SUGCT: variants seen among roughly 807,000 people sequenced by gnomAD.
SUGCT encodes succinyl-CoA:glutarate CoA-transferase.
In SUGCT, 41 loss-of-function variants were observed where a neutral mutation model predicts 55.0. That is an observed-to-expected ratio of 0.74 (90% confidence interval 0.58 to 0.97). The LOEUF (loss-of-function observed/expected upper bound fraction) is 0.97. Ranked by LOEUF, SUGCT falls within the 50% of genes least tolerant of loss-of-function variation. SUGCT has a pLI of 0.00. For synonymous variants in SUGCT, 187 were observed against 200.4 expected, an observed-to-expected ratio of 0.93 and a Z score of 0.56; for missense variants, 568 against 547.8, an observed-to-expected ratio of 1.04 and a Z score of -0.37.
chr7:40,867,411 C>T, the SUGCT span, among the ~76,000 whole-genome samples: 1 of 151,594 alleles, frequency 6.6e-6, no homozygotes, highest in Non-Finnish European at 1.5e-5. Context: ...TAAATGATAG[C>T]TTACCAAAAA....
At chr7:40,320,209 C>A (rs1161134908) in intron 9 of SUGCT, among the ~76,000 whole-genome samples, 1 of 151,950 alleles carries the variant, frequency 6.6e-6, no homozygotes, top group Non-Finnish European at 1.5e-5. Flanking sequence ...CAGGTTCAAG[C>A]TATGCTCCTG....
intron 8 of SUGCT, among the ~76,000 whole-genome samples, chr7:40,291,185 G>T (rs1427259477): frequency 6.6e-6 from 1 of 152,076 alleles, no homozygotes; most frequent in African/African-American, 2.4e-5. Flanking sequence ...AAATCATGCT[G>T]CTATAAAGAC....
chr7:40,511,053 T>C (rs1727211805), intron 12 of SUGCT, among the ~76,000 whole-genome samples: 2 of 152,166 alleles, frequency 1.3e-5, no homozygotes, highest in South Asian at 2.1e-4. Flanking sequence ...TTAGATAGAG[T>C]GCTGTTGCTG....
intron 12 of SUGCT, among the ~76,000 whole-genome samples, chr7:40,593,210 T>C (rs983924650): frequency 1.3e-5 from 2 of 152,194 alleles, no homozygotes; most frequent in African/African-American, 4.8e-5. Context: ...CACCCAGCTC[T>C]GTCCTTGGCC....
intron 7 of SUGCT, among the ~76,000 whole-genome samples, chr7:40,262,456 C>CTGGCTAACATGGTGAAACCCCCGTCTCTA (rs1791281540): frequency 6.8e-6 from 1 of 146,916 alleles, no homozygotes; most frequent in Non-Finnish European, 1.5e-5. Flanking sequence ...CGAGACCATC[C>CTGGCTAACATGGTGAAACCCCCGTCTCTA]TGGCTAACAT....
At chr7:40,934,839 A>G in the SUGCT span, among the ~76,000 whole-genome samples, 3 of 152,182 alleles carry the variant, frequency 2.0e-5, no homozygotes, top group Non-Finnish European at 4.4e-5. Context: ...TTCCAGGTAC[A>G]GTCTGTCACA....
chr7:40,790,632 T>C (rs1219041358), intron 13 of SUGCT, among the ~76,000 whole-genome samples: 1 of 152,238 alleles, frequency 6.6e-6, no homozygotes, highest in African/African-American at 2.4e-5. Flanking sequence ...ATAACATTAA[T>C]TTAAATGCAA....
At chr7:40,837,075 A>G (rs1008183443) in intron 13 of SUGCT, among the ~76,000 whole-genome samples, 7 of 152,148 alleles carry the variant, frequency 4.6e-5, no homozygotes, top group Admixed American at 2.0e-4. Context: ...GAGTGATCCA[A>G]TTTCTCTGCA....
At chr7:40,834,948 TG>T (rs1299801599) in intron 13 of SUGCT, among the ~76,000 whole-genome samples, 1 of 152,120 alleles carries the variant, frequency 6.6e-6, no homozygotes, top group Non-Finnish European at 1.5e-5. Flanking sequence ...ATTTGTAAAA[TG>T]GTGTCCTTTT....
At chr7:40,695,167 T>TTTTATTTATTTATTTA (rs71560200) in intron 12 of SUGCT, among the ~76,000 whole-genome samples, 9 of 135,478 alleles carry the variant, frequency 6.6e-5, no homozygotes, top group Non-Finnish European at 6.3e-5. Context: ...AAACCCTTAT[T>TTTTATTTATTTATTTA]TTTATTTATT....
chr7:40,169,527 A>T (rs950360596), intron 1 of SUGCT, among the ~76,000 whole-genome samples: 1 of 152,182 alleles, frequency 6.6e-6, no homozygotes, highest in Non-Finnish European at 1.5e-5. Flanking sequence ...CTGACTCAGG[A>T]CTGTCCCCTA....
chr7:40,558,300 T>C (rs973870574), intron 12 of SUGCT, among the ~76,000 whole-genome samples: 2 of 152,146 alleles, frequency 1.3e-5, no homozygotes, highest in African/African-American at 4.8e-5. Flanking sequence ...CAGCAGGGAC[T>C]CAGATACTTG....
intron 9 of SUGCT, among the ~76,000 whole-genome samples, chr7:40,326,040 A>G (rs1195924353): frequency 6.6e-6 from 1 of 151,928 alleles, no homozygotes; most frequent in African/African-American, 2.4e-5. Flanking sequence ...TCTTTGAATT[A>G]TGAGCTGTAG....
chr7:40,688,391 C>T (rs1389557839), intron 12 of SUGCT, among the ~76,000 whole-genome samples: 1 of 152,118 alleles, frequency 6.6e-6, no homozygotes, highest in Admixed American at 6.6e-5. Context: ...AAGTCTTGTA[C>T]CCAGTCACTG....
At position 40,860,712 on chromosome 7, in the gene SUGCT, A is replaced by T; in HGVS notation, c.*233A>T. On this transcript the variant is annotated 3_prime_UTR_variant, in exon 14 of 14. Transcript: ENST00000335693. ...TTTTTTTTCAGATGATGATTTCATT[A>T]TGGATTTGTGGGATTTTTAAAAATA... 2.6e-6 allele frequency: 1 copy of T among 390,578 alleles called. No homozygotes were observed. The highest frequency in any genetic ancestry group is 4.5e-6 in the Non-Finnish European group (1 of 223,456). The allele number at this position is 390,578 out of a possible 1,614,324, so 24.2% of individuals were successfully genotyped here. A position where few individuals can be genotyped will look rare whatever the true frequency, so the allele number is the denominator to read the frequency against.
chr7:40,159,689 A>G (rs1471556923), intron 1 of SUGCT, among the ~76,000 whole-genome samples: 1 of 152,078 alleles, frequency 6.6e-6, no homozygotes, highest in African/African-American at 2.4e-5. Flanking sequence ...TTTTATAGCT[A>G]TCCTCAGAGG....
the SUGCT span, among the ~76,000 whole-genome samples, chr7:40,871,156 G>A: frequency 0.043 from 6,608 of 152,180 alleles, 467 homozygotes; most frequent in African/African-American, 0.15. Context: ...TGCAGACGAG[G>A]GAGGAAATAC....
At chr7:40,390,558 C>T (rs1785369459) in intron 9 of SUGCT, among the ~76,000 whole-genome samples, 1 of 152,082 alleles carries the variant, frequency 6.6e-6, no homozygotes, top group South Asian at 2.1e-4. Context: ...GAATAAAATA[C>T]CTAGGAATCC....
At chr7:40,205,396 C>T (rs965373265) in intron 6 of SUGCT, among the ~76,000 whole-genome samples, 6 of 151,946 alleles carry the variant, frequency 3.9e-5, no homozygotes, top group East Asian at 1.9e-4. Context: ...AATCCCAGCA[C>T]GTTGGGAGGC....
Sources: allele counts gnomAD v4.1 joint callset (sites outside exome capture counted in the v4.1 genomes callset), GRCh38; gene constraint gnomAD v4.1.1; transcripts MANE v1.5; gene names NCBI Gene and HGNC (gene_info 2026-07-23, HGNC 2026-07-21).